NAALAD2: variants seen among roughly 807,000 people sequenced by gnomAD.
NAALAD2 encodes N-acetylated-alpha-linked acidic dipeptidase 2.
In NAALAD2, 89 loss-of-function variants were observed where a neutral mutation model predicts 95.6. The observed-to-expected ratio is 0.93, with a 90% confidence interval of 0.78 to 1.11. The LOEUF is 1.11. NAALAD2 is among the 50% of genes least tolerant of loss of function. The pLI is 0.00. For missense variants in NAALAD2, 894 were observed against 872.4 expected, an observed-to-expected ratio of 1.02 and a Z score of -0.31; for synonymous variants, 264 against 294.4, an observed-to-expected ratio of 0.90 and a Z score of 1.06.
intron 2 of NAALAD2, among the ~76,000 whole-genome samples, chr11:90,136,302 A>G (rs947782975): frequency 4.6e-5 from 7 of 152,332 alleles, no homozygotes; most frequent in Non-Finnish European, 1.0e-4. Flanking sequence ...TTAGTGAAGT[A>G]TAATTTACAT....
upstream of NAALAD2, among the ~76,000 whole-genome samples, chr11:90,133,058 C>A (rs112174672): frequency 0.014 from 2,193 of 152,180 alleles, 57 homozygotes; most frequent in African/African-American, 0.051. Flanking sequence ...CAATTGATAG[C>A]CATTGAAATA....
intron 4 of NAALAD2, among the ~76,000 whole-genome samples, chr11:90,150,154 C>T (rs1951848453): frequency 6.6e-6 from 1 of 152,106 alleles, no homozygotes; most frequent in Admixed American, 6.5e-5. Flanking sequence ...ACTCTGGCAG[C>T]TGAGGCAGAA....
intron 18 of NAALAD2, among the ~76,000 whole-genome samples, chr11:90,188,823 A>G (rs1857236715): frequency 6.6e-6 from 1 of 152,166 alleles, no homozygotes; most frequent in Non-Finnish European, 1.5e-5. Context: ...CATTTTCTAT[A>G]TTCTATTACT....
chr11:90,134,737 C>T lies in NAALAD2; in HGVS notation c.-22C>T, dbSNP rs931598844. 4.3e-6 allele frequency: 7 copies of T among 1,612,592 alleles called. No individual in the cohort carries two copies. The highest frequency in any genetic ancestry group is 1.7e-5 in the Admixed American group (1 of 60,006). On this transcript the variant is annotated 5_prime_UTR_variant, in exon 1 of 19. Transcript: ENST00000534061. ...AAGCTCGCGAATGTAGCAGGCGCCCCAAGCTCGGTCCTCAAGAAGCCATGG... is the reference window on the plus strand; with the variant it reads ...AAGCTCGCGAATGTAGCAGGCGCCCTAAGCTCGGTCCTCAAGAAGCCATGG...
chr11:90,175,435 A>G (rs560403371), intron 14 of NAALAD2, among the ~76,000 whole-genome samples: 1 of 152,334 alleles, frequency 6.6e-6, no homozygotes, highest in East Asian at 1.9e-4. Context: ...TTATTTATGT[A>G]TATGCATATA....
chr11:90,145,951 T>C (rs755967791), intron 2 of NAALAD2, among the ~76,000 whole-genome samples: 1 of 152,288 alleles, frequency 6.6e-6, no homozygotes, highest in South Asian at 2.1e-4. Flanking sequence ...GACTTTCTAA[T>C]GCAGGGTACA....
chr11:90,155,048 T>C (rs1183686735), intron 6 of NAALAD2, among the ~76,000 whole-genome samples: 1 of 127,110 alleles, frequency 7.9e-6, no homozygotes, highest in African/African-American at 3.3e-5. Context: ...TGTGTGTATA[T>C]ATTATATACA....
chr11:90,146,630 G>C (rs979785799), intron 2 of NAALAD2, among the ~76,000 whole-genome samples: 1 of 151,994 alleles, frequency 6.6e-6, no homozygotes, highest in Non-Finnish European at 1.5e-5. Flanking sequence ...CTCCCAAAGT[G>C]CTGGGATTAC....
At chr11:90,186,248 A>G (rs1357473510) in intron 18 of NAALAD2, among the ~76,000 whole-genome samples, 12 of 151,400 alleles carry the variant, frequency 7.9e-5, no homozygotes, top group South Asian at 2.1e-4. Flanking sequence ...TCATTGTTCA[A>G]TTCCCACCTA....
At chr11:90,183,351 C>G (rs1241938435) in intron 18 of NAALAD2, among the ~76,000 whole-genome samples, 1 of 152,054 alleles carries the variant, frequency 6.6e-6, no homozygotes, top group African/African-American at 2.4e-5. Flanking sequence ...GTTATCCAGT[C>G]TCAGAATCTT....
chr11:90,149,240 G>A (rs1951827235), intron 4 of NAALAD2, 133 bp downstream of exon 4: 2 of 423,230 alleles, frequency 4.7e-6, no homozygotes, highest in African/African-American at 2.1e-5. Context: ...TCAGTACTAT[G>A]AAAACCTCAT....
rs1000498977 is a variant in NAALAD2, at chr11:90,192,506, G to A, written c.*759G>A. 4 of 152,006 alleles carry A rather than the reference G, an allele frequency of 2.6e-5. No homozygotes were observed. Among genetic ancestry groups the A allele is most frequent in the African/African-American group, 9.7e-5 (4 of 41,430 alleles). The allele number at this position is 152,006 out of a possible 1,614,324, so 9.4% of individuals were successfully genotyped here. A position where few individuals can be genotyped will look rare whatever the true frequency, so the allele number is the denominator to read the frequency against. Reference sequence around the variant, plus strand: ...TATGAGGAAACTTTCTCCAATAGATGAGAATTTTCCGTATCTTGATCTGAG... The same window carrying A: ...TATGAGGAAACTTTCTCCAATAGATAAGAATTTTCCGTATCTTGATCTGAG... On this transcript the variant is annotated 3_prime_UTR_variant, in exon 19 of 19. Coordinates refer to ENST00000534061, the MANE Select transcript of NAALAD2 (RefSeq NM_005467.4).
rs745751408 is a variant in NAALAD2 at position 90,134,718 on chromosome 11, G to T, written c.-41G>T. The T allele has an allele frequency of 1.2e-6, 2 of 1,602,364 alleles. No homozygotes were observed. Among genetic ancestry groups the T allele is most frequent in the Non-Finnish European group, 8.5e-7 (1 of 1,170,798 alleles). ...CTGTTTCTCTGCAGCCCCGAAGCTC[G>T]CGAATGTAGCAGGCGCCCCAAGCTC... is the stretch of plus-strand genomic sequence containing the variant. On this transcript the variant is annotated 5_prime_UTR_variant, in exon 1 of 19. Transcript: ENST00000534061.
chr11:90,172,127 A>C (rs1042807393), intron 13 of NAALAD2, among the ~76,000 whole-genome samples: 5 of 152,230 alleles, frequency 3.3e-5, no homozygotes, highest in African/African-American at 1.2e-4. Flanking sequence ...CAATCCAAGC[A>C]GGATGTAGGA....
chr11:90,187,612 T>C (rs1007605019), intron 18 of NAALAD2, among the ~76,000 whole-genome samples: 3 of 152,210 alleles, frequency 2.0e-5, no homozygotes, highest in Non-Finnish European at 2.9e-5. Context: ...TCTTAAAGAA[T>C]TTATTTCAAA....
chr11:90,183,039 C>T (rs1857013750), intron 18 of NAALAD2, 31 bp downstream of exon 18: 1 of 1,530,842 alleles, frequency 6.5e-7, no homozygotes. Context: ...AAATACATCA[C>T]TGTGACCAAA....
chr11:90,146,343 A>ATTTTTTTTTTTTTTTTTTT lies in NAALAD2; in HGVS notation c.195-972_195-954dup, dbSNP rs71477596. Among the ~76,000 whole-genome samples the ATTTTTTTTTTTTTTTTTTT allele has an allele frequency of 1.3e-4, 6 of 47,956 alleles. 1 individual carries two copies. The highest frequency in any genetic ancestry group is 7.4e-4 in the East Asian group (1 of 1,352). The allele number at this position is 47,956 out of a possible 152,430, so 31.5% of individuals were successfully genotyped here. A position where few individuals can be genotyped will look rare whatever the true frequency, so the allele number is the denominator to read the frequency against. ...GTTCTACTGATGGTGGGGGAGTTTAATTTTTTTTTTTTTTTTTTTTTTTTT... is the reference window on the plus strand; with the variant it reads ...GTTCTACTGATGGTGGGGGAGTTTAATTTTTTTTTTTTTTTTTTTTTTTTTTTTTTTTTTTTTTTTTTTT... On this transcript the variant is annotated intron_variant, in intron 2 of 18. Coordinates refer to ENST00000534061, the MANE Select transcript of NAALAD2 (RefSeq NM_005467.4).
chr11:90,177,572 T>G (rs1410476491), intron 15 of NAALAD2, among the ~76,000 whole-genome samples: 1 of 147,254 alleles, frequency 6.8e-6, no homozygotes, highest in African/African-American at 2.5e-5. Flanking sequence ...ATGGTTGTAT[T>G]TTTTCTTTTT....
At chr11:90,155,777 A>G (rs1285098974) in intron 6 of NAALAD2, among the ~76,000 whole-genome samples, 1 of 133,636 alleles carries the variant, frequency 7.5e-6, no homozygotes, top group Non-Finnish European at 1.5e-5. Context: ...TGTATGTAAT[A>G]TGTATTATTA....
Sources: allele counts gnomAD v4.1 joint callset (sites outside exome capture counted in the v4.1 genomes callset), GRCh38; gene constraint gnomAD v4.1.1; transcripts MANE v1.5; gene names NCBI Gene and HGNC (gene_info 2026-07-23, HGNC 2026-07-21).